USP46: variants seen among roughly 807,000 people sequenced by gnomAD.
USP46 encodes the protein ubiquitin carboxyl-terminal hydrolase 46.
In USP46, 12 loss-of-function variants were observed where a neutral mutation model predicts 44.4. That is an observed-to-expected ratio of 0.27 (90% confidence interval 0.17 to 0.44). The LOEUF is 0.44. Among genes scored for constraint, USP46 ranks in the 20% least tolerant of loss-of-function variants. The pLI is 1.00. For missense variants in USP46, 248 were observed against 444.8 expected, an observed-to-expected ratio of 0.56 and a Z score of 3.98; for synonymous variants, 155 against 161.5, an observed-to-expected ratio of 0.96 and a Z score of 0.31.
chr4:52,598,750 T>A, intron 7 of USP46, 44 bp from the exon 8 acceptor site: 1 of 1,539,598 alleles, frequency 6.5e-7, no homozygotes, highest in Non-Finnish European at 8.8e-7. Context: ...TTAACATTTA[T>A]CTCTTTATAA....
intron 1 of USP46, among the ~76,000 whole-genome samples, chr4:52,633,527 A>C (rs1029920400): frequency 2.0e-5 from 3 of 152,250 alleles, no homozygotes; most frequent in Admixed American, 6.5e-5. Flanking sequence ...TTATATCTCA[A>C]GCATAAATCA....
intron 4 of USP46, among the ~76,000 whole-genome samples, chr4:52,622,895 G>GT (rs1360314841): frequency 6.6e-6 from 1 of 152,228 alleles, no homozygotes; most frequent in Non-Finnish European, 1.5e-5. Flanking sequence ...TGAAGCTAGA[G>GT]TAAGAAACAG....
At chr4:52,619,772 C>G (rs1717312509) in intron 4 of USP46, among the ~76,000 whole-genome samples, 1 of 152,026 alleles carries the variant, frequency 6.6e-6, no homozygotes, top group Non-Finnish European at 1.5e-5. Flanking sequence ...ATGCTGTTGA[C>G]CAACTGGCTA....
chr4:52,652,002 TTCCTCTTCACTG>T (rs1240681629), intron 1 of USP46, among the ~76,000 whole-genome samples: 2 of 152,188 alleles, frequency 1.3e-5, no homozygotes, highest in African/African-American at 4.8e-5. Flanking sequence ...CTCCTTGATT[TTCCTCTTCACTG>T]TCCCTTCTTC....
intron 1 of USP46, among the ~76,000 whole-genome samples, chr4:52,638,517 C>T (rs138162905): frequency 4.0e-5 from 6 of 151,710 alleles, no homozygotes; most frequent in East Asian, 1.9e-4. Context: ...TAATATACCC[C>T]GCCCCATGCT....
chr4:52,600,461 C>T (rs1410516734), intron 7 of USP46, among the ~76,000 whole-genome samples: 2 of 152,116 alleles, frequency 1.3e-5, no homozygotes, highest in Non-Finnish European at 2.9e-5. Flanking sequence ...TTGAAGAATC[C>T]TAGTTAGTGG....
intron 7 of USP46, among the ~76,000 whole-genome samples, chr4:52,600,856 G>A (rs891572036): frequency 6.6e-6 from 1 of 152,102 alleles, no homozygotes; most frequent in Non-Finnish European, 1.5e-5. Flanking sequence ...GTGTTCTTTA[G>A]GGAGAACACC....
Position 52,596,482 on chromosome 4 carries a change from G to A in USP46, c.*1158C>T, listed in dbSNP as rs1446390883. ...AATTCTGTCTTGTCAAGCATTCTAG[G>A]AGTCTGAGCCAAAGAAACAGCGCCA... On this transcript the variant is annotated 3_prime_UTR_variant, in exon 9 of 9. Transcript: ENST00000441222. 6.6e-6 allele frequency: 1 copy of A among 152,124 alleles called. No individual in the cohort carries two copies. Among genetic ancestry groups the A allele is most frequent in the Non-Finnish European group, 1.5e-5 (1 of 68,036 alleles). 9.4% of individuals were successfully genotyped at this position (152,124 alleles called of 1,614,324 possible).
At chr4:52,611,119 T>C (rs1013501743) in intron 4 of USP46, among the ~76,000 whole-genome samples, 3 of 152,026 alleles carry the variant, frequency 2.0e-5, no homozygotes, top group Admixed American at 6.6e-5. Flanking sequence ...TGACAGGCAA[T>C]GGGCTGGAGA....
At position 52,596,272 on chromosome 4, in the gene USP46, G is replaced by C. The variant is rs1178390569; in HGVS notation, c.*1368C>G. Reference sequence around the variant, plus strand: ...ATTAGGTAACAAAAATATGTTCACAGTTTATTATAGTGTATGGAAGTTAAG... The same window carrying C: ...ATTAGGTAACAAAAATATGTTCACACTTTATTATAGTGTATGGAAGTTAAG... On this transcript the variant is annotated 3_prime_UTR_variant, in exon 9 of 9. Coordinates refer to ENST00000441222, the MANE Select transcript of USP46 (RefSeq NM_022832.4). 6.6e-6 allele frequency: 1 copy of C among 152,612 alleles called. No homozygotes were observed. Among genetic ancestry groups the C allele is most frequent in the Non-Finnish European group, 1.5e-5 (1 of 68,034 alleles). The allele number at this position is 152,612 out of a possible 1,614,324, so 9.5% of individuals were successfully genotyped here.
chr4:52,645,978 ATT>A lies in USP46; in HGVS notation c.36+13135_36+13136del, dbSNP rs35181985. 6.8e-3 allele frequency among the ~76,000 whole-genome samples: 1,028 copies of A among 152,188 alleles called. 8 individuals are homozygous for A. Among genetic ancestry groups the A allele is most frequent in the East Asian group, 0.051 (261 of 5,168 alleles). ...TGCTTTCCCTACACCTTCTGCCATG[ATT>A]TTAAGTTTCCTGAAGCCTCCCAGTC... On this transcript the variant is annotated intron_variant, in intron 1 of 8. Coordinates refer to ENST00000441222, the MANE Select transcript of USP46 (RefSeq NM_022832.4).
Position 52,631,124 on chromosome 4 carries a change from C to T in USP46, c.57G>A (p.Leu19=), listed in dbSNP as rs1452634093. The change falls in exon 2 of 9, where the codon CTG becomes CTA. Residue 19 remains leucine, a synonymous_variant. Transcript: ENST00000441222. ...ACTGCTCTGGACCAATGTCTTTTTC[C>T]AGAGCAGAGGCATTGGTGCCCTAAA... The part of the protein sequence containing the change: ...ICNMGTNASA[L]EKDIGPEQFP... 6.4e-7 allele frequency: 1 copy of T among 1,563,750 alleles called. No individual in the cohort carries two copies. The highest frequency in any genetic ancestry group is 8.7e-7 in the Non-Finnish European group (1 of 1,152,166).
At chr4:52,654,345 T>G (rs1718878507) in intron 1 of USP46, among the ~76,000 whole-genome samples, 1 of 152,196 alleles carries the variant, frequency 6.6e-6, no homozygotes, top group East Asian at 1.9e-4. Context: ...AAAGGCAAGA[T>G]ATCTGTTCCC....
At chr4:52,625,173 G>A (rs1717527634) in intron 4 of USP46, among the ~76,000 whole-genome samples, 2 of 152,048 alleles carry the variant, frequency 1.3e-5, no homozygotes, top group Admixed American at 1.3e-4. Context: ...GACATTTATT[G>A]CCTACTTGCC....
rs370312388 is a variant in USP46 at position 52,593,079 on chromosome 4, C to G, written c.*4561G>C. ...GCACTGCCAGAATGGACAAATACAACGACTTAGTAAGTATTTTTATCTTCA... is the reference window on the plus strand; with the variant it reads ...GCACTGCCAGAATGGACAAATACAAGGACTTAGTAAGTATTTTTATCTTCA... On this transcript the variant is annotated 3_prime_UTR_variant, in exon 9 of 9. Coordinates refer to ENST00000441222, the MANE Select transcript of USP46 (RefSeq NM_022832.4). The G allele has an allele frequency of 1.8e-5, 7 of 396,356 alleles. No individual in the cohort carries two copies. The South Asian group carries it at 5.7e-4, about 32-fold the overall frequency. The allele number at this position is 396,356 out of a possible 1,614,324, so 24.6% of individuals were successfully genotyped here. A position where few individuals can be genotyped will look rare whatever the true frequency, so the allele number is the denominator to read the frequency against.
chr4:52,603,878 T>C (rs1404224368), intron 6 of USP46, among the ~76,000 whole-genome samples: 1 of 151,952 alleles, frequency 6.6e-6, no homozygotes, highest in Non-Finnish European at 1.5e-5. Context: ...AGAGACGGGG[T>C]TTCACCATGT....
intron 1 of USP46, among the ~76,000 whole-genome samples, chr4:52,639,160 A>G (rs1429490555): frequency 2.0e-5 from 3 of 152,250 alleles, no homozygotes; most frequent in Non-Finnish European, 4.4e-5. Flanking sequence ...ATAATTGCTT[A>G]AAGATAAATT....
chr4:52,603,035 T>A (rs1311206277), intron 6 of USP46, among the ~76,000 whole-genome samples: 1 of 152,220 alleles, frequency 6.6e-6, no homozygotes, highest in East Asian at 1.9e-4. Context: ...ATGCATAGTA[T>A]GTGAAAAAGA....
In USP46 at chr4:52,647,238, T is replaced by C. The variant is rs144042648; in HGVS notation, c.36+11877A>G. On this transcript the variant is annotated intron_variant, in intron 1 of 8. Transcript: ENST00000441222. Reference sequence around the variant, plus strand: ...TCAGGACAGATCAGGGTATACTCTATGTACTCTTTGTGTTTTTAAAAACTA... The same window carrying C: ...TCAGGACAGATCAGGGTATACTCTACGTACTCTTTGTGTTTTTAAAAACTA... 1.9e-3 allele frequency among the ~76,000 whole-genome samples: 283 copies of C among 152,354 alleles called. 1 individual carries two copies. Among genetic ancestry groups the C allele is most frequent in the African/African-American group, 6.3e-3 (262 of 41,588 alleles).
Sources: allele counts gnomAD v4.1 joint callset (sites outside exome capture counted in the v4.1 genomes callset), GRCh38; gene constraint gnomAD v4.1.1; transcripts MANE v1.5; gene names NCBI Gene and HGNC (gene_info 2026-07-23, HGNC 2026-07-21).